The following NCAM2 variants were observed in gnomAD, a reference collection of about 807,000 sequenced individuals.
The protein encoded by NCAM2 is N-CAM-2.
NCAM2 carries 30 observed loss-of-function variants against 98.1 expected under a neutral mutation model. The ratio of observed to expected loss-of-function variants is 0.31; its 90% CI spans 0.23 to 0.41. The LOEUF (loss-of-function observed/expected upper bound fraction) is 0.41, where lower values mean the gene tolerates loss of function less well. Among genes scored for constraint, NCAM2 ranks in the 10% least tolerant of loss-of-function variants. The probability of loss-of-function intolerance (pLI) is 1.00; values close to 1 mark genes in which losing one functional copy is unlikely to be tolerated. For synonymous variants in NCAM2, 368 were observed against 342.4 expected (o/e 1.07, Z -0.83); for missense variants, 867 against 1,005.8 (o/e 0.86, Z 1.87).
chr21:21,007,366 A>G (rs1292005518), intron 1 of NCAM2, among the ~76,000 whole-genome samples: 11 of 152,198 alleles, frequency 7.2e-5, no homozygotes. Flanking sequence ...TGCACAAGAA[A>G]GAATTCAGGG....
chr21:21,116,182 C>G (rs1328123934), intron 1 of NCAM2, among the ~76,000 whole-genome samples: 1 of 152,004 alleles, frequency 6.6e-6, no homozygotes, highest in African/African-American at 2.4e-5. Context: ...TTAAGATGCT[C>G]CCAGCGGACA....
At chr21:21,111,111 C>G (rs1026767322) in intron 1 of NCAM2, among the ~76,000 whole-genome samples, 1 of 152,202 alleles carries the variant, frequency 6.6e-6, no homozygotes, top group Non-Finnish European at 1.5e-5. Flanking sequence ...CCAAACCAAA[C>G]AGTATGTTTA....
Position 21,224,901 on chromosome 21 carries a change from A to C in NCAM2, c.56-55677A>C, listed in dbSNP as rs188383932. 2.3e-3 allele frequency among the ~76,000 whole-genome samples: 352 copies of C among 152,292 alleles called. 1 individual carries two copies. Among genetic ancestry groups the C allele is most frequent in the Middle Eastern group, 3.4e-3 (1 of 294 alleles). ...AAAAGTAAGAGCTCTGCTTCATTAT[A>C]TATTAGAATGGCATGTATGAAATGT... On this transcript the variant is annotated intron_variant, in intron 1 of 17. Transcript: ENST00000400546.
chr21:21,292,227 T>C lies in NCAM2; in HGVS notation c.605T>C (p.Ile202Thr). 6.2e-6 allele frequency: 10 copies of C among 1,609,076 alleles called. No individual in the cohort carries two copies. The highest frequency in any genetic ancestry group is 7.6e-6 in the Non-Finnish European group (9 of 1,177,318). Residue 202 changes from isoleucine to threonine, a missense_variant, in exon 5 of 18, where the codon ATT (isoleucine) becomes ACT (threonine). By Grantham distance (89) the Ile-to-Thr change is moderately conservative (BLOSUM62 -1). This residue lies in a region of NCAM2 where 447 missense variants were observed against 495.7 expected (regional missense o/e 0.90). Coordinates refer to ENST00000400546, the MANE Select transcript of NCAM2 (RefSeq NM_004540.5). ...GGAGAAATTGACTTCCGTGATATCA[T>C]TGTTATTGTTAATGGTAAGCAGTAA... ...ARGEIDFRDI[I>T]VIVNVPPAIS...
intron 12 of NCAM2, among the ~76,000 whole-genome samples, chr21:21,450,618 C>T (rs1450189817): frequency 6.6e-6 from 1 of 152,106 alleles, no homozygotes; most frequent in African/African-American, 2.4e-5. Context: ...GCATGAGCCA[C>T]TGTGCCCTGC....
intron 15 of NCAM2, among the ~76,000 whole-genome samples, chr21:21,507,601 G>A (rs1356251975): frequency 6.6e-6 from 1 of 152,020 alleles, no homozygotes; most frequent in South Asian, 2.1e-4. Context: ...AGACCATCCT[G>A]GCTAACACGG....
intron 1 of NCAM2, among the ~76,000 whole-genome samples, chr21:21,259,830 C>T (rs2071822758): frequency 6.6e-6 from 1 of 151,424 alleles, no homozygotes; most frequent in African/African-American, 2.4e-5. Context: ...GCAATGAATC[C>T]AAACAACCAT....
At chr21:21,050,518 C>A (rs779775731) in intron 1 of NCAM2, among the ~76,000 whole-genome samples, 9 of 152,106 alleles carry the variant, frequency 5.9e-5, no homozygotes, top group Non-Finnish European at 1.2e-4. Flanking sequence ...CTCAGTGATG[C>A]CAACCCTACT....
At chr21:21,301,392 T>G (rs930170323) in intron 5 of NCAM2, among the ~76,000 whole-genome samples, 1,963 of 151,012 alleles carry the variant, frequency 0.013, 46 homozygotes, top group African/African-American at 0.045. Context: ...CTATTTTTTT[T>G]TTTTAATTAT....
In NCAM2 at chr21:21,304,878, T is replaced by G. The variant is rs189205921; in HGVS notation, c.619+12637T>G. On this transcript the variant is annotated intron_variant, in intron 5 of 17. Transcript: ENST00000400546. ...ATTTATCTCTAATTATTCCATATAT[T>G]TTGATGCTATTATAAACCACATTTT... Among the ~76,000 whole-genome samples the G allele has an allele frequency of 1.8e-3, 277 of 152,292 alleles. 5 individuals are homozygous for G. The highest frequency in any genetic ancestry group is 3.5e-4 in the Non-Finnish European group (24 of 68,028).
intron 8 of NCAM2, among the ~76,000 whole-genome samples, chr21:21,357,972 T>G (rs2075539642): frequency 6.6e-6 from 1 of 152,134 alleles, no homozygotes; most frequent in Admixed American, 6.5e-5. Context: ...TTACTTACTG[T>G]GCATGGTAGT....
At chr21:21,120,291 A>T (rs1282835962) in intron 1 of NCAM2, among the ~76,000 whole-genome samples, 1 of 152,224 alleles carries the variant, frequency 6.6e-6, no homozygotes, top group Non-Finnish European at 1.5e-5. Flanking sequence ...TCTTTAAAAT[A>T]AGAAGTTGAA....
chr21:21,054,294 G>A (rs868146192), intron 1 of NCAM2, among the ~76,000 whole-genome samples: 16 of 151,948 alleles, frequency 1.1e-4, no homozygotes, highest in Middle Eastern at 3.2e-3. Flanking sequence ...ACACAGTACA[G>A]TATTTCAGAT....
chr21:21,535,873 T>C (rs535529037), intron 17 of NCAM2, among the ~76,000 whole-genome samples: 103 of 152,264 alleles, frequency 6.8e-4, no homozygotes, highest in African/African-American at 2.4e-3. Flanking sequence ...ATATTTTACC[T>C]ATACGTAAGT....
chr21:21,531,397 G>A (rs1458965687), intron 16 of NCAM2, among the ~76,000 whole-genome samples: 1 of 152,124 alleles, frequency 6.6e-6, no homozygotes, highest in Non-Finnish European at 1.5e-5. Flanking sequence ...CTGATTGAGT[G>A]TGGCACATGC....
At chr21:21,521,636 A>G (rs1337179631) in intron 16 of NCAM2, among the ~76,000 whole-genome samples, 1 of 152,184 alleles carries the variant, frequency 6.6e-6, no homozygotes, top group Non-Finnish European at 1.5e-5. Context: ...GAATAGAAAC[A>G]GCTGAAGAAA....
chr21:21,122,125 C>A (rs1601425182), intron 1 of NCAM2, among the ~76,000 whole-genome samples: 1 of 150,570 alleles, frequency 6.6e-6, no homozygotes, highest in African/African-American at 2.4e-5. Flanking sequence ...TCAAAGGCAG[C>A]AAATACTGTT....
intron 11 of NCAM2, among the ~76,000 whole-genome samples, chr21:21,419,576 G>T (rs146303691): frequency 0.018 from 2,401 of 135,564 alleles, 66 homozygotes; most frequent in African/African-American, 0.064. Flanking sequence ...TGTTCTCATT[G>T]TTCAGTTCCC....
chr21:21,254,235 A>G (rs951206980), intron 1 of NCAM2, among the ~76,000 whole-genome samples: 5 of 152,236 alleles, frequency 3.3e-5, no homozygotes, highest in South Asian at 2.1e-4. Context: ...AATTTATAAC[A>G]TAAATGCTAC....
Sources: allele counts gnomAD v4.1 joint callset (sites outside exome capture counted in the v4.1 genomes callset), GRCh38; gene constraint gnomAD v4.1.1; regional missense constraint gnomAD v4.1.1; transcripts MANE v1.5; gene names NCBI Gene and HGNC (gene_info 2026-07-23, HGNC 2026-07-21).